GRB14: variants seen among roughly 807,000 people sequenced by gnomAD.
The protein encoded by GRB14 is growth factor receptor bound protein 14, also known as growth factor receptor-bound protein 14.
GRB14 carries 38 observed loss-of-function variants against 69.1 expected under a neutral mutation model. That is an observed-to-expected ratio of 0.55 (90% confidence interval 0.42 to 0.72). The LOEUF is 0.72. Ranked by LOEUF, GRB14 falls within the 30% of genes least tolerant of loss-of-function variation. The pLI is 0.00. For missense variants in GRB14, 666 were observed against 666.1 expected, an observed-to-expected ratio of 1.00 and a Z score of 0.00; for synonymous variants, 247 against 241.3, an observed-to-expected ratio of 1.02 and a Z score of -0.22.
intron 3 of GRB14, among the ~76,000 whole-genome samples, chr2:164,528,946 A>AT (rs1687851595): frequency 6.6e-6 from 1 of 152,182 alleles, no homozygotes; most frequent in Non-Finnish European, 1.5e-5. Flanking sequence ...TCAAACAGAA[A>AT]TTTGTATACC....
intron 3 of GRB14, among the ~76,000 whole-genome samples, chr2:164,536,031 G>C (rs1043861467): frequency 9.9e-5 from 15 of 152,152 alleles, no homozygotes; most frequent in African/African-American, 3.6e-4. Flanking sequence ...TTAATTCGAA[G>C]GTTCTCACAG....
intron 6 of GRB14, among the ~76,000 whole-genome samples, chr2:164,514,603 G>C (rs1230057293): frequency 2.0e-5 from 3 of 152,160 alleles, no homozygotes; most frequent in African/African-American, 7.2e-5. Flanking sequence ...CCTGGGGAGG[G>C]CTGCCAGAGG....
At chr2:164,535,854 A>C (rs567593977) in intron 3 of GRB14, among the ~76,000 whole-genome samples, 61 of 152,318 alleles carry the variant, frequency 4.0e-4, no homozygotes, top group South Asian at 2.5e-3. Context: ...ATGGCTATAA[A>C]GCCCTGCAGT....
At chr2:164,564,021 A>G (rs1688900753) in intron 2 of GRB14, among the ~76,000 whole-genome samples, 2 of 152,168 alleles carry the variant, frequency 1.3e-5, no homozygotes, top group African/African-American at 4.8e-5. Context: ...TGAATTGACA[A>G]ATGAGTAATA....
At chr2:164,503,179 A>G (rs1687103370) in intron 8 of GRB14, among the ~76,000 whole-genome samples, 1 of 150,924 alleles carries the variant, frequency 6.6e-6, no homozygotes, top group African/African-American at 2.4e-5. Flanking sequence ...TAAAAAAAAA[A>G]AAAAAAAAGA....
At chr2:164,611,834 T>C (rs1690172905) in intron 2 of GRB14, among the ~76,000 whole-genome samples, 1 of 152,104 alleles carries the variant, frequency 6.6e-6, no homozygotes, top group East Asian at 1.9e-4. Flanking sequence ...CACAAAAAAG[T>C]GTGGTCACTA....
intron 8 of GRB14, among the ~76,000 whole-genome samples, chr2:164,506,331 G>T (rs6717338): frequency 0.11 from 17,450 of 152,124 alleles, 1,101 homozygotes; most frequent in Middle Eastern, 0.16. Flanking sequence ...AACAGCAAAA[G>T]AATGTAAATT....
intron 6 of GRB14, among the ~76,000 whole-genome samples, chr2:164,509,738 G>T: frequency 7.1e-6 from 1 of 140,286 alleles, no homozygotes; most frequent in Non-Finnish European, 1.5e-5. Flanking sequence ...ATCAGTATCT[G>T]CATTTTAACA....
intron 2 of GRB14, among the ~76,000 whole-genome samples, chr2:164,579,460 C>T (rs1034331131): frequency 2.0e-5 from 3 of 151,816 alleles, no homozygotes; most frequent in Non-Finnish European, 4.4e-5. Context: ...AAGGTGGGAA[C>T]CTACCCTGGC....
In GRB14 at chr2:164,508,472, C is replaced by G; in HGVS notation, c.1006G>C (p.Ala336Pro). The G allele has an allele frequency of 6.2e-7, 1 of 1,613,904 alleles. No homozygotes were observed. Among genetic ancestry groups the G allele is most frequent in the South Asian group, 1.1e-5 (1 of 91,070 alleles). Residue 336 changes from alanine (A) to proline (P), a missense_variant, in exon 8 of 14, where the codon GCG becomes CCG. Transcript: ENST00000263915. The part of the protein sequence containing the change: ...EEQSRTCWVT[A>P]IRLLKYGMQL... Reference sequence around the variant, plus strand: ...GAGATTACCTTAAGCAATCTAATCGCGGTCACCCAGCACGTCCTACTCTGC... The same window carrying G: ...GAGATTACCTTAAGCAATCTAATCGGGGTCACCCAGCACGTCCTACTCTGC...
chr2:164,612,034 CT>C (rs1690179126), intron 2 of GRB14, among the ~76,000 whole-genome samples: 1 of 152,118 alleles, frequency 6.6e-6, no homozygotes, highest in South Asian at 2.1e-4. Context: ...GAGCAATGGG[CT>C]GATATAACAC....
At position 164,525,024 on chromosome 2, in the gene GRB14, A is replaced by G; in HGVS notation, c.658T>C (p.Ser220Pro). Residue 220 changes from serine (S) to proline (P), a missense_variant, in exon 5 of 14, where the codon TCC becomes CCC. Coordinates refer to ENST00000263915, the MANE Select transcript of GRB14 (RefSeq NM_004490.3). ...TTTACCTGCAAAATCTGTGTGGGGG[A>G]TATTTCACCATTGGTTTCAGTTGCA... is the stretch of plus-strand genomic sequence containing the variant. ...SFATETNGEISPTQILQMFLS... is the reference protein window; with the variant it reads ...SFATETNGEIPPTQILQMFLS... 2.9e-5 allele frequency: 46 copies of G among 1,584,726 alleles called. No individual in the cohort carries two copies. Among genetic ancestry groups the G allele is most frequent in the Non-Finnish European group, 4.0e-5 (46 of 1,160,062 alleles).
chr2:164,564,430 AG>A (rs1688914483), intron 2 of GRB14, among the ~76,000 whole-genome samples: 1 of 152,220 alleles, frequency 6.6e-6, no homozygotes, highest in African/African-American at 2.4e-5. Context: ...AATCACTTTT[AG>A]AAAATCATAG....
At chr2:164,512,412 C>T (rs1340875059) in intron 6 of GRB14, among the ~76,000 whole-genome samples, 4 of 152,150 alleles carry the variant, frequency 2.6e-5, no homozygotes, top group African/African-American at 7.2e-5. Flanking sequence ...GGTAATCCAC[C>T]CACCTTGGCC....
chr2:164,569,311 TA>T, intron 2 of GRB14, among the ~76,000 whole-genome samples: 1 of 152,036 alleles, frequency 6.6e-6, no homozygotes, highest in Non-Finnish European at 1.5e-5. Flanking sequence ...CATCTATAAC[TA>T]ACAAGAAAAA....
chr2:164,519,879 G>C (rs564141089), intron 6 of GRB14, among the ~76,000 whole-genome samples: 1 of 152,060 alleles, frequency 6.6e-6, no homozygotes, highest in East Asian at 1.9e-4. Flanking sequence ...CAAACAAATG[G>C]AAACACAGCC....
chr2:164,596,051 G>A lies in GRB14; in HGVS notation c.324+23636C>T, dbSNP rs555626359. ...AGGCAGGAGAATCGCTTGAACCCAG[G>A]AGGCAGAGGTTGCAGCGAACCGAGA... On this transcript the variant is annotated intron_variant, in intron 2 of 13. Coordinates refer to ENST00000263915, the MANE Select transcript of GRB14 (RefSeq NM_004490.3). Among the ~76,000 whole-genome samples, 3 of 152,296 alleles carry A rather than the reference G, an allele frequency of 2.0e-5. No individual in the cohort carries two copies. In the East Asian group the frequency reaches 5.8e-4, roughly 29 times the overall value.
chr2:164,599,228 T>C (rs1396577046), intron 2 of GRB14, among the ~76,000 whole-genome samples: 2 of 151,970 alleles, frequency 1.3e-5, no homozygotes, highest in Non-Finnish European at 2.9e-5. Flanking sequence ...CCAAAGAGAG[T>C]ATTCTAAGAA....
rs576310696 is a variant in GRB14, at chr2:164,598,414, C to T, written c.324+21273G>A. Among the ~76,000 whole-genome samples, 4 of 152,254 alleles carry T rather than the reference C, an allele frequency of 2.6e-5. No homozygotes were observed. The South Asian group carries it at 6.2e-4, about 24-fold the overall frequency. On this transcript the variant is annotated intron_variant, in intron 2 of 13. Transcript: ENST00000263915. ...ATTGCCTAAATGTTGTGATTGTTTA[C>T]ATATGATAGCATACATCTGTGCACA...
Sources: allele counts gnomAD v4.1 joint callset (sites outside exome capture counted in the v4.1 genomes callset), GRCh38; gene constraint gnomAD v4.1.1; transcripts MANE v1.5; gene names NCBI Gene and HGNC (gene_info 2026-07-23, HGNC 2026-07-21).